The following XIAP variants were observed in gnomAD, a reference collection of about 807,000 sequenced individuals.
XIAP encodes the protein E3 ubiquitin-protein ligase XIAP.
XIAP carries 3 observed loss-of-function variants against 33.1 expected under a neutral mutation model. That is an observed-to-expected ratio of 0.09 (90% confidence interval 0.04 to 0.23). The LOEUF (loss-of-function observed/expected upper bound fraction) is 0.23, where lower values mean the gene tolerates loss of function less well. XIAP is among the 10% of genes least tolerant of loss of function. The pLI, the probability that XIAP is intolerant of heterozygous loss-of-function variation, is 1.00. For missense variants in XIAP, 264 were observed against 363.0 expected, an observed-to-expected ratio of 0.73 and a Z score of 2.22; for synonymous variants, 98 against 121.3, an observed-to-expected ratio of 0.81 and a Z score of 1.26.
intron 1 of XIAP, among the ~76,000 whole-genome samples, chrX:123,871,859 T>G (rs932774217): frequency 9.0e-6 from 1 of 110,734 alleles, no homozygotes; most frequent in Non-Finnish European, 1.9e-5. Context: ...TCCTAGCACT[T>G]TGGGAGAATG....
In XIAP at chrX:123,912,991, G is replaced by C. The variant is rs1375883745; in HGVS notation, c.*5810G>C. On this transcript the variant is annotated 3_prime_UTR_variant, in exon 7 of 7. Transcript: ENST00000371199. ...GTGACTGGTTTCGCGGTGTTGACCA[G>C]GCTGGTCTCGAACTCCTGATCTCAG... 1 of 295,950 alleles carries C rather than the reference G, an allele frequency of 3.4e-6. No homozygotes were observed. The highest frequency in any genetic ancestry group is 6.5e-6 in the Non-Finnish European group (1 of 154,128). The allele number at this position is 295,950 out of a possible 1,213,427, so 24.4% of individuals were successfully genotyped here.
At position 123,886,115 on chromosome X, in the gene XIAP, C is replaced by T. The variant is rs1056958590; in HGVS notation, c.453C>T (p.Asp151=). 1 of 1,211,497 alleles carries T rather than the reference C, an allele frequency of 8.3e-7. No individual in the cohort carries two copies. The highest frequency in any genetic ancestry group is 1.1e-6 in the Non-Finnish European group (1 of 895,519). The change falls in exon 2 of 7, where the codon GAC becomes GAT. Residue 151 remains aspartate (D), a synonymous_variant. Coordinates refer to ENST00000371199, the MANE Select transcript of XIAP (RefSeq NM_001167.4). ...CTGGGCAGGTTGTAGATATATCAGA[C>T]ACCATATACCCGAGGAACCCTGCCA... ...LRTGQVVDIS[D]TIYPRNPAMY...
chrX:123,910,362 T>C lies in XIAP; in HGVS notation c.*3181T>C, dbSNP rs1410440701. ...TGTTGTTATATTATTTACATTTCAG[T>C]AGTTGTTTTTTGTGTTTCCATTTTA... On this transcript the variant is annotated 3_prime_UTR_variant, in exon 7 of 7. Coordinates refer to ENST00000371199, the MANE Select transcript of XIAP (RefSeq NM_001167.4). The C allele has an allele frequency of 6.1e-6, 2 of 327,404 alleles. No individual in the cohort carries two copies. Among genetic ancestry groups the C allele is most frequent in the Non-Finnish European group, 1.2e-5 (2 of 169,664 alleles). 27.0% of individuals were successfully genotyped at this position (327,404 alleles called of 1,213,427 possible).
intron 1 of XIAP, among the ~76,000 whole-genome samples, chrX:123,869,352 T>TA (rs1473295324): frequency 9.6e-5 from 1 of 10,383 alleles, no homozygotes; most frequent in Non-Finnish European, 1.7e-4. Context: ...CCATCTCTAC[T>TA]AAAAAAATAC....
rs878856680 is a variant in XIAP, at chrX:123,908,290, T to A, written c.*1109T>A. The A allele has an allele frequency of 2.7e-6, 1 of 364,853 alleles. No homozygotes were observed. Among genetic ancestry groups the A allele is most frequent in the Non-Finnish European group, 5.2e-6 (1 of 192,311 alleles). 30.1% of individuals were successfully genotyped at this position (364,853 alleles called of 1,213,427 possible). A position where few individuals can be genotyped will look rare whatever the true frequency, so the allele number is the denominator to read the frequency against. Reference sequence around the variant, plus strand: ...TTTTTGACAGGTAGACCATGTCTTATCTTGTTTCAAAATAAGTATTTCTGA... The same window carrying A: ...TTTTTGACAGGTAGACCATGTCTTAACTTGTTTCAAAATAAGTATTTCTGA... On this transcript the variant is annotated 3_prime_UTR_variant, in exon 7 of 7. Coordinates refer to ENST00000371199, the MANE Select transcript of XIAP (RefSeq NM_001167.4).
At chrX:123,881,915 G>A (rs895516188) in intron 1 of XIAP, among the ~76,000 whole-genome samples, 1 of 110,144 alleles carries the variant, frequency 9.1e-6, no homozygotes, top group Non-Finnish European at 1.9e-5. Flanking sequence ...CACCACACCC[G>A]GCTAATTTTT....
At chrX:123,864,675 TGTGTGTTTTAGTAAAGACAGGGTGTCACC>T (rs1438864988) in intron 1 of XIAP, among the ~76,000 whole-genome samples, 8 of 67,793 alleles carry the variant, frequency 1.2e-4, no homozygotes, top group African/African-American at 3.7e-4. Flanking sequence ...TGTGTGTGTG[TGTGTGTTTTAGTAAAGACAGGGTGTCACC>T]GTGTGTGTGT....
intron 6 of XIAP, among the ~76,000 whole-genome samples, chrX:123,906,088 C>T (rs140888218): frequency 1.7e-3 from 197 of 112,881 alleles, no homozygotes; most frequent in African/African-American, 6.1e-3. Flanking sequence ...GTGCCTAGCA[C>T]GTACTATTTA....
Position 123,910,477 on chromosome X carries a change from T to C in XIAP, c.*3296T>C, listed in dbSNP as rs1183351592. On this transcript the variant is annotated 3_prime_UTR_variant, in exon 7 of 7. Coordinates refer to ENST00000371199, the MANE Select transcript of XIAP (RefSeq NM_001167.4). ...TATACCCTTTAAACCCGAATCATTG[T>C]TTTATTTCCTGATTACACAGGTGTT... The C allele has an allele frequency of 3.1e-6, 1 of 327,784 alleles. No homozygotes were observed. The highest frequency in any genetic ancestry group is 5.9e-6 in the Non-Finnish European group (1 of 169,752). 27.0% of individuals were successfully genotyped at this position (327,784 alleles called of 1,213,427 possible).
chrX:123,899,144 AATAT>A (rs1175980983), intron 5 of XIAP, among the ~76,000 whole-genome samples: 1 of 50,184 alleles, frequency 2.0e-5, no homozygotes, highest in Admixed American at 2.4e-4. Flanking sequence ...AAAAAAAAAA[AATAT>A]ATATATATAT....
At chrX:123,888,960 G>C (rs1301360440) in intron 3 of XIAP, among the ~76,000 whole-genome samples, 1 of 107,954 alleles carries the variant, frequency 9.3e-6, no homozygotes, top group Non-Finnish European at 1.9e-5. Flanking sequence ...ACTCTCTTTT[G>C]CAGGCTGGAG....
chrX:123,894,646 T>C (rs1234488531), intron 5 of XIAP, among the ~76,000 whole-genome samples: 1 of 110,678 alleles, frequency 9.0e-6, no homozygotes, highest in African/African-American at 3.3e-5. Context: ...TGCACGCCTG[T>C]AATCCCAGCT....
rs778862715 is a variant in XIAP, at chrX:123,909,195, A to T, written c.*2014A>T. ...AGGCAGGTGCCACCATGCCCGACTA[A>T]TTTTTTTTTATTTTTAGTAGAGACG... On this transcript the variant is annotated 3_prime_UTR_variant, in exon 7 of 7. Coordinates refer to ENST00000371199, the MANE Select transcript of XIAP (RefSeq NM_001167.4). 7.4e-6 allele frequency: 2 copies of T among 271,291 alleles called. No individual in the cohort carries two copies. Among genetic ancestry groups the T allele is most frequent in the Non-Finnish European group, 1.4e-5 (2 of 145,794 alleles). 22.4% of individuals were successfully genotyped at this position (271,291 alleles called of 1,213,427 possible).
At chrX:123,901,761 AACTT>A (rs1029554596) in intron 6 of XIAP, among the ~76,000 whole-genome samples, 2 of 111,539 alleles carry the variant, frequency 1.8e-5, no homozygotes, top group Non-Finnish European at 3.8e-5. Flanking sequence ...ATTTATTTAA[AACTT>A]ACACAAGCTC....
intron 1 of XIAP, among the ~76,000 whole-genome samples, chrX:123,867,786 G>A (rs2053157575): frequency 9.6e-6 from 1 of 104,466 alleles, no homozygotes; most frequent in Non-Finnish European, 1.9e-5. Flanking sequence ...TGATTCTCCT[G>A]CCTCAGCCTC....
chrX:123,894,968 A>G (rs12843505), intron 5 of XIAP, among the ~76,000 whole-genome samples: 4,027 of 90,059 alleles, frequency 0.045, 92 homozygotes, highest in African/African-American at 0.13. Context: ...AAATAAATAA[A>G]TAAATAAATA....
rs12008227 is a variant in XIAP, at chrX:123,895,136, C to G, written c.1099+2363C>G. On this transcript the variant is annotated intron_variant, in intron 5 of 6. Transcript: ENST00000371199. ...TGCTCACCCATCAACAGTCATTCTC[C>G]ATTGCCCACCCTACCCCTAGGCCAG... 7.8e-3 allele frequency among the ~76,000 whole-genome samples: 876 copies of G among 111,666 alleles called. 8 individuals carry two copies. The highest frequency in any genetic ancestry group is 0.027 in the African/African-American group (823 of 30,777).
chrX:123,860,600 C>T (rs1281018122), intron 1 of XIAP: 2 of 243,862 alleles, frequency 8.2e-6, no homozygotes, highest in African/African-American at 5.8e-5. Context: ...ATTTCCTCCC[C>T]ATGTGATAAC....
chrX:123,865,510 G>A (rs988074304), intron 1 of XIAP, among the ~76,000 whole-genome samples: 32 of 107,749 alleles, frequency 3.0e-4, no homozygotes, highest in African/African-American at 1.0e-3. Flanking sequence ...GGCGGATCAC[G>A]AGGTCAGGAG....
Sources: allele counts gnomAD v4.1 joint callset (sites outside exome capture counted in the v4.1 genomes callset), GRCh38; gene constraint gnomAD v4.1.1; transcripts MANE v1.5; gene names NCBI Gene and HGNC (gene_info 2026-07-23, HGNC 2026-07-21).